RANBP2: variants seen among roughly 807,000 people sequenced by gnomAD.
RANBP2 encodes RAN binding protein 2.
A neutral mutation model predicts 303.6 loss-of-function variants in RANBP2; 57 were observed. The observed-to-expected ratio is 0.19, with a 90% CI of 0.15 to 0.23. RANBP2 has a LOEUF of 0.23. RANBP2 is among the 10% of genes least tolerant of loss of function. RANBP2 has a pLI of 1.00. For synonymous variants in RANBP2, 1,167 were observed against 1,301.5 expected, an observed-to-expected ratio of 0.90 and a Z score of 2.23; for missense variants, 3,138 against 3,780.8, an observed-to-expected ratio of 0.83 and a Z score of 4.46.
the RANBP2 span, among the ~76,000 whole-genome samples, chr2:109,241,932 C>A: frequency 1.3e-5 from 2 of 151,884 alleles, no homozygotes; most frequent in East Asian, 3.9e-4. Flanking sequence ...CTGCTTGGAC[C>A]TGAGACACGA....
chr2:109,185,567 C>A, the RANBP2 span, among the ~76,000 whole-genome samples: 1 of 152,194 alleles, frequency 6.6e-6, no homozygotes, highest in Non-Finnish European at 1.5e-5. Flanking sequence ...GAGTCTCTGT[C>A]TCTTTGGCCA....
At chr2:108,813,193 G>A in the RANBP2 span, among the ~76,000 whole-genome samples, 10 of 128,218 alleles carry the variant, frequency 7.8e-5, no homozygotes, top group South Asian at 2.4e-3. Flanking sequence ...AGGTTGCAGT[G>A]AGCCGAGATT....
chr2:108,740,368 T>C, intron 6 of RANBP2, 121 bp from the exon 7 acceptor site: 1 of 1,447,192 alleles, frequency 6.9e-7, no homozygotes, highest in South Asian at 1.2e-5. Flanking sequence ...ATAAGAATTA[T>C]TAGTTGAATG....
At chr2:109,064,273 C>T in the RANBP2 span, among the ~76,000 whole-genome samples, 5 of 151,644 alleles carry the variant, frequency 3.3e-5, no homozygotes, top group African/African-American at 7.3e-5. Flanking sequence ...ATCAAGACCA[C>T]GGTGAAACCC....
the RANBP2 span, among the ~76,000 whole-genome samples, chr2:109,678,114 G>A: frequency 3.3e-5 from 5 of 152,328 alleles, no homozygotes; most frequent in East Asian, 7.7e-4. Flanking sequence ...CCTCCCCACT[G>A]TTCCATCACT....
chr2:109,225,583 C>T, the RANBP2 span, among the ~76,000 whole-genome samples: 2 of 152,238 alleles, frequency 1.3e-5, no homozygotes, highest in East Asian at 3.8e-4. Flanking sequence ...GGATGCTCCA[C>T]GTTCCTCTCT....
chr2:108,999,138 G>A, the RANBP2 span, among the ~76,000 whole-genome samples: 4 of 152,188 alleles, frequency 2.6e-5, no homozygotes, highest in Non-Finnish European at 5.9e-5. Context: ...CCTGGGTGCC[G>A]ACAAGCTGCA....
At chr2:109,721,477 A>G in the RANBP2 span, among the ~76,000 whole-genome samples, 1 of 152,230 alleles carries the variant, frequency 6.6e-6, no homozygotes, top group Admixed American at 6.5e-5. Flanking sequence ...GAGCAGAGAC[A>G]GAATCAGAAT....
the RANBP2 span, among the ~76,000 whole-genome samples, chr2:109,516,051 T>G: frequency 6.6e-6 from 1 of 152,190 alleles, no homozygotes; most frequent in African/African-American, 2.4e-5. Context: ...TGCTTAGCAC[T>G]CAGCTCCAAG....
chr2:108,984,955 C>T, the RANBP2 span, among the ~76,000 whole-genome samples: 3 of 152,270 alleles, frequency 2.0e-5, no homozygotes, highest in Non-Finnish European at 4.4e-5. Context: ...GGAAATATGG[C>T]AAATGGAAGT....
the RANBP2 span, chr2:109,503,954 G>T: frequency 6.6e-6 from 1 of 152,236 alleles, no homozygotes; most frequent in Non-Finnish European, 1.5e-5. Flanking sequence ...GGGCAGAGTC[G>T]GGTGGGCGTT....
At chr2:109,348,191 A>G in the RANBP2 span, among the ~76,000 whole-genome samples, 1 of 152,244 alleles carries the variant, frequency 6.6e-6, no homozygotes, top group Non-Finnish European at 1.5e-5. Context: ...GCCCAGAGCT[A>G]CATAGGAGCT....
chr2:108,890,761 C>A, the RANBP2 span, among the ~76,000 whole-genome samples: 1 of 152,096 alleles, frequency 6.6e-6, no homozygotes, highest in Non-Finnish European at 1.5e-5. Context: ...AATTTTCTAA[C>A]CTTTTCTCTG....
chr2:108,824,399 T>G, the RANBP2 span, among the ~76,000 whole-genome samples: 2 of 152,334 alleles, frequency 1.3e-5, no homozygotes, highest in East Asian at 1.9e-4. Context: ...TGTTAAAAAC[T>G]AAGACACAAA....
the RANBP2 span, among the ~76,000 whole-genome samples, chr2:109,110,691 C>T: frequency 3.3e-5 from 5 of 152,200 alleles, no homozygotes; most frequent in South Asian, 6.2e-4. Flanking sequence ...GGGACAGAGG[C>T]GGCAGGCCAG....
the RANBP2 span, chr2:109,613,925 G>A: frequency 2.5e-6 from 3 of 1,222,804 alleles, no homozygotes; most frequent in Non-Finnish European, 3.1e-6. Context: ...CAGAAGCAAC[G>A]GGCGGGGCGC....
the RANBP2 span, among the ~76,000 whole-genome samples, chr2:109,369,175 T>A: frequency 6.7e-6 from 1 of 149,740 alleles, no homozygotes; most frequent in Middle Eastern, 3.2e-3. Context: ...AAACCCCGTC[T>A]CTTCTTAAAA....
At chr2:109,199,262 C>T in the RANBP2 span, among the ~76,000 whole-genome samples, 2 of 57,384 alleles carry the variant, frequency 3.5e-5, no homozygotes, top group African/African-American at 6.9e-5. Context: ...GAGGTGCTTG[C>T]AGTGAGCCGA....
At chr2:109,163,699 G>A in the RANBP2 span, among the ~76,000 whole-genome samples, 131 of 152,268 alleles carry the variant, frequency 8.6e-4, no homozygotes, top group Non-Finnish European at 1.6e-3. Flanking sequence ...GCGCCTGGCC[G>A]CAAATATTCT....
Sources: gnomAD v4.1 joint callset for allele counts (sites outside exome capture counted in the v4.1 genomes callset) on GRCh38, gnomAD v4.1.1 for gene constraint, MANE v1.5 for transcripts, NCBI Gene and HGNC (gene_info 2026-07-23, HGNC 2026-07-21) for gene names.